The following INPP5A variants were observed in gnomAD, a reference collection of about 807,000 sequenced individuals.
INPP5A encodes inositol polyphosphate-5-phosphatase A.
INPP5A carries 14 observed loss-of-function variants against 65.2 expected under a neutral mutation model. That is an observed-to-expected ratio of 0.21 (90% CI 0.14 to 0.34). INPP5A has a LOEUF of 0.34. Ranked by LOEUF, INPP5A falls within the 10% of genes least tolerant of loss-of-function variation. The pLI, the probability that INPP5A is intolerant of heterozygous loss-of-function variation, is 1.00. For missense variants in INPP5A, 431 were observed against 545.6 expected, an observed-to-expected ratio of 0.79 and a Z score of 2.09; for synonymous variants, 207 against 208.3, an observed-to-expected ratio of 0.99 and a Z score of 0.05.
intron 1 of INPP5A, among the ~76,000 whole-genome samples, chr10:132,548,967 AT>A: frequency 6.6e-6 from 1 of 151,478 alleles, no homozygotes. Flanking sequence ...GGCTTTTACA[AT>A]TTTTTGTAGG....
chr10:132,630,900 C>T (rs1590880550), intron 2 of INPP5A, among the ~76,000 whole-genome samples: 1 of 152,354 alleles, frequency 6.6e-6, no homozygotes, highest in African/African-American at 2.4e-5. Context: ...TGCGTTTCCA[C>T]CTCTGCCCGT....
chr10:132,697,772 G>C lies in INPP5A; in HGVS notation c.371-44G>C. ...TTGTGCTCCAGGCTGGTTGGATGGG[G>C]CACAGTGATGGGATAGTCACCTCGT... On this transcript the variant is annotated intron_variant, in intron 5 of 15. Coordinates refer to ENST00000368594, the MANE Select transcript of INPP5A (RefSeq NM_005539.5). This position sits in a 1 kb window ranked among gnomAD's most constrained non-coding sequence, Gnocchi z 5.6. The C allele has an allele frequency of 7.5e-7, 1 of 1,334,378 alleles. No individual in the cohort carries two copies. The highest frequency in any genetic ancestry group is 1.1e-6 in the Non-Finnish European group (1 of 931,906). The allele number at this position is 1,334,378 out of a possible 1,614,324, so 82.7% of individuals were successfully genotyped here. A position where few individuals can be genotyped will look rare whatever the true frequency, so the allele number is the denominator to read the frequency against.
In INPP5A at chr10:132,663,885, G is replaced by C. The variant is rs1408283812; in HGVS notation, c.306+13380G>C. ...GGGTGGGAAATCCGTAACAGGCTCT[G>C]TGGCAAAGGCTGGGCCAAGGTGCCT... On this transcript the variant is annotated intron_variant, in intron 4 of 15. Transcript: ENST00000368594. This position sits in a 1 kb window ranked among gnomAD's most constrained non-coding sequence, Gnocchi z 4.5. Among the ~76,000 whole-genome samples the C allele has an allele frequency of 1.3e-5, 2 of 152,242 alleles. No individual in the cohort carries two copies. The highest frequency in any genetic ancestry group is 2.9e-5 in the Non-Finnish European group (2 of 68,040).
chr10:132,720,405 C>G (rs866186741), intron 8 of INPP5A, among the ~76,000 whole-genome samples: 2 of 90,072 alleles, frequency 2.2e-5, no homozygotes, highest in East Asian at 3.6e-4. Flanking sequence ...GGCTGTCTTG[C>G]GGGTTCTGTG....
intron 9 of INPP5A, among the ~76,000 whole-genome samples, chr10:132,730,712 T>C (rs1324149259): frequency 6.6e-6 from 1 of 152,118 alleles, no homozygotes; most frequent in Non-Finnish European, 1.5e-5. Flanking sequence ...GTGGCAGAGC[T>C]CCTGCGGGCC....
At chr10:132,758,913 C>T (rs548754079) in intron 11 of INPP5A, among the ~76,000 whole-genome samples, 3 of 152,296 alleles carry the variant, frequency 2.0e-5, no homozygotes, top group East Asian at 1.9e-4. Flanking sequence ...GATTCAGACC[C>T]GCGTTCCTCC....
intron 1 of INPP5A, among the ~76,000 whole-genome samples, chr10:132,557,390 C>T (rs1488300909): frequency 2.0e-5 from 3 of 152,254 alleles, no homozygotes; most frequent in African/African-American, 4.8e-5. Context: ...GCCACACCTG[C>T]GCAGTGTCAC....
chr10:132,681,395 G>A (rs968658037), intron 4 of INPP5A, among the ~76,000 whole-genome samples: 1 of 152,138 alleles, frequency 6.6e-6, no homozygotes, highest in African/African-American at 2.4e-5. Context: ...AACACTCACC[G>A]CGAAGATCTG....
chr10:132,766,142 G>T (rs770231492), intron 12 of INPP5A, among the ~76,000 whole-genome samples: 6 of 152,198 alleles, frequency 3.9e-5, no homozygotes, highest in Non-Finnish European at 8.8e-5. Flanking sequence ...GTGTGCACGT[G>T]TGCATCTGTG....
intron 1 of INPP5A, among the ~76,000 whole-genome samples, chr10:132,559,097 C>G (rs981539904): frequency 1.3e-5 from 2 of 152,244 alleles, no homozygotes; most frequent in Non-Finnish European, 2.9e-5. Flanking sequence ...CTGAGCTTGC[C>G]CGGCTGGCCA....
chr10:132,632,374 C>A (rs762261439), intron 2 of INPP5A, among the ~76,000 whole-genome samples: 4 of 152,234 alleles, frequency 2.6e-5, no homozygotes, highest in Non-Finnish European at 4.4e-5. Flanking sequence ...CACGGGCCAA[C>A]GCCTGTGGTG....
intron 1 of INPP5A, among the ~76,000 whole-genome samples, chr10:132,558,197 C>T (rs544927732): frequency 4.6e-5 from 7 of 152,320 alleles, no homozygotes; most frequent in African/African-American, 1.7e-4. Flanking sequence ...ATAGCCTTCC[C>T]GCCAGCTGCG....
Position 132,603,992 on chromosome 10 carries a change from C to T in INPP5A, c.76-3923C>T, listed in dbSNP as rs994271405. On this transcript the variant is annotated intron_variant, in intron 1 of 15. Coordinates refer to ENST00000368594, the MANE Select transcript of INPP5A (RefSeq NM_005539.5). This position sits in a 1 kb window ranked among gnomAD's most constrained non-coding sequence, Gnocchi z 4.2. ...TGCGCCGTCAGGGTCCCCTCTCCGT[C>T]CCGCCCTGTGCCGTCAGGGTCCCCT... 5.4e-5 allele frequency among the ~76,000 whole-genome samples: 8 copies of T among 149,188 alleles called. No homozygotes were observed. Among genetic ancestry groups the T allele is most frequent in the Middle Eastern group, 3.5e-3 (1 of 286 alleles).
intron 6 of INPP5A, among the ~76,000 whole-genome samples, chr10:132,700,649 G>A (rs547489303): frequency 2.7e-4 from 41 of 152,280 alleles, no homozygotes; most frequent in African/African-American, 7.0e-4. Flanking sequence ...GGCCGGGCCC[G>A]CCCCTCCCTC....
chr10:132,621,709 AG>A (rs2072112553), intron 2 of INPP5A, among the ~76,000 whole-genome samples: 1 of 151,840 alleles, frequency 6.6e-6, no homozygotes, highest in South Asian at 2.1e-4. Context: ...GGAGCCTCAG[AG>A]GGATGACTTT....
chr10:132,766,647 TCATG>T (rs1277567564), intron 12 of INPP5A, among the ~76,000 whole-genome samples: 4 of 152,166 alleles, frequency 2.6e-5, no homozygotes, highest in Admixed American at 1.3e-4. Flanking sequence ...TGTGTAGGGC[TCATG>T]CATGTGGCTG....
intron 8 of INPP5A, among the ~76,000 whole-genome samples, chr10:132,721,654 G>C (rs1275768035): frequency 6.6e-6 from 1 of 150,930 alleles, no homozygotes; most frequent in Non-Finnish European, 1.5e-5. Flanking sequence ...TGTGGTGCCT[G>C]GGTTCTGTCT....
chr10:132,726,922 C>G lies in INPP5A; in HGVS notation c.732+17C>G. On this transcript the variant is annotated intron_variant, in intron 9 of 15. Coordinates refer to ENST00000368594, the MANE Select transcript of INPP5A (RefSeq NM_005539.5). ...GTCGTGGAGGTAGGCGCTGGCTTCC[C>G]TCCCGCCCTGGTCTCATGCCTTGCT... is the stretch of plus-strand genomic sequence containing the variant. 1.3e-6 allele frequency: 2 copies of G among 1,581,738 alleles called. No individual in the cohort carries two copies. Among genetic ancestry groups the G allele is most frequent in the Admixed American group, 1.7e-5 (1 of 58,830 alleles).
intron 1 of INPP5A, among the ~76,000 whole-genome samples, chr10:132,607,043 T>C (rs111975846): frequency 0.027 from 4,149 of 152,308 alleles, 81 homozygotes; most frequent in African/African-American, 0.046. Context: ...GGGCGGCTTG[T>C]GCTGAGTGCT....
Sources: allele counts gnomAD v4.1 joint callset (sites outside exome capture counted in the v4.1 genomes callset), GRCh38; gene constraint gnomAD v4.1.1; non-coding constraint Gnocchi (gnomAD v3.1); transcripts MANE v1.5; gene names NCBI Gene and HGNC (gene_info 2026-07-23, HGNC 2026-07-21).